The following RBFOX1 variants were observed in gnomAD, a reference collection of about 807,000 sequenced individuals.
RBFOX1 encodes the protein RNA binding protein fox-1 homolog 1.
A neutral mutation model predicts 57.7 loss-of-function variants in RBFOX1; 8 were observed. The observed-to-expected ratio is 0.14, with a 90% CI of 0.08 to 0.25. The LOEUF is 0.25. RBFOX1 is among the 10% of genes least tolerant of loss of function. The probability of loss-of-function intolerance (pLI) is 1.00; values close to 1 mark genes in which losing one functional copy is unlikely to be tolerated. For missense variants in RBFOX1, 611 were observed against 548.5 expected (o/e 1.11, Z -1.14); for synonymous variants, 326 against 222.4 (o/e 1.47, Z -4.15).
chr16:7,262,882 G>C (rs947817733), intron 4 of RBFOX1, among the ~76,000 whole-genome samples: 2 of 152,338 alleles, frequency 1.3e-5, no homozygotes, highest in Non-Finnish European at 2.9e-5. Context: ...GAAAACTTGT[G>C]TTCTTATTTG....
rs1555631894 is a variant in RBFOX1, at chr16:7,254,498, C to CTCT, written c.27+202401_27+202402insCTT. Among the ~76,000 whole-genome samples, 15 of 150,864 alleles carry CTCT rather than the reference C, an allele frequency of 9.9e-5. 1 individual carries two copies. The highest frequency in any genetic ancestry group is 7.3e-4 in the Admixed American group (11 of 15,112). On this transcript the variant is annotated intron_variant, in intron 4 of 15. Coordinates refer to ENST00000550418, the MANE Select transcript of RBFOX1 (RefSeq NM_018723.4). ...GTCATGTTCCTGTCTCTCTCTCTCT[C>CTCT]TTTTTTTTTATCAATATATGCCCAT...
chr16:6,042,441 C>T (rs553056758), intron 1 of RBFOX1, among the ~76,000 whole-genome samples: 7 of 152,108 alleles, frequency 4.6e-5, no homozygotes, highest in Non-Finnish European at 8.8e-5. Flanking sequence ...TATACTGGAC[C>T]TATCCAGATA....
intron 2 of RBFOX1, among the ~76,000 whole-genome samples, chr16:6,642,783 A>C (rs2098502887): frequency 1.3e-5 from 2 of 152,084 alleles, no homozygotes; most frequent in Non-Finnish European, 2.9e-5. Context: ...GAAGATATTT[A>C]CTGTCAGAGA....
chr16:7,556,096 A>G (rs1382317177), intron 5 of RBFOX1, among the ~76,000 whole-genome samples: 4 of 152,242 alleles, frequency 2.6e-5, no homozygotes, highest in African/African-American at 9.6e-5. Flanking sequence ...TTGATAACCA[A>G]GGCATTGTGG....
intron 10 of RBFOX1, among the ~76,000 whole-genome samples, chr16:7,617,777 A>C (rs1360740066): frequency 6.6e-6 from 1 of 152,198 alleles, no homozygotes; most frequent in Non-Finnish European, 1.5e-5. Context: ...GAAGGATGCA[A>C]AACAAACTGT....
intron 3 of RBFOX1, among the ~76,000 whole-genome samples, chr16:6,854,514 G>A (rs1468791669): frequency 6.6e-6 from 1 of 151,048 alleles, no homozygotes; most frequent in Admixed American, 6.6e-5. Context: ...TTTCTCTCAG[G>A]TTACCTGTTT....
intron 3 of RBFOX1, among the ~76,000 whole-genome samples, chr16:6,904,919 C>A (rs1249507463): frequency 1.3e-5 from 2 of 152,164 alleles, no homozygotes; most frequent in African/African-American, 2.4e-5. Flanking sequence ...TTCCCTCAGA[C>A]AACAAAACTA....
chr16:6,075,679 T>C (rs2095888770), intron 1 of RBFOX1, among the ~76,000 whole-genome samples: 1 of 152,148 alleles, frequency 6.6e-6, no homozygotes, highest in South Asian at 2.1e-4. Flanking sequence ...CAATACAGAG[T>C]TGGATAATCT....
chr16:5,452,696 T>G (rs1022868212), intron 1 of RBFOX1, among the ~76,000 whole-genome samples: 1 of 151,478 alleles, frequency 6.6e-6, no homozygotes, highest in African/African-American at 2.4e-5. Flanking sequence ...CAGGCTGGAG[T>G]GCAATGGCGT....
At chr16:6,828,945 C>G (rs187140029) in intron 3 of RBFOX1, among the ~76,000 whole-genome samples, 62 of 152,162 alleles carry the variant, frequency 4.1e-4, no homozygotes, top group Non-Finnish European at 6.9e-4. Flanking sequence ...TCCGCCTACA[C>G]TCCCCCTTTC....
At chr16:6,928,231 A>T (rs1011226129) in intron 3 of RBFOX1, among the ~76,000 whole-genome samples, 1 of 152,246 alleles carries the variant, frequency 6.6e-6, no homozygotes, top group African/African-American at 2.4e-5. Context: ...GAAGATTCTG[A>T]TTTAATTGGT....
intron 5 of RBFOX1, among the ~76,000 whole-genome samples, chr16:7,534,718 G>A (rs922876917): frequency 3.3e-5 from 5 of 152,130 alleles, no homozygotes; most frequent in Non-Finnish European, 5.9e-5. Flanking sequence ...TCACAGTAAG[G>A]GTTCCTAGGA....
intron 4 of RBFOX1, among the ~76,000 whole-genome samples, chr16:5,948,015 G>T (rs1343854409): frequency 3.9e-5 from 6 of 152,148 alleles, no homozygotes; most frequent in Non-Finnish European, 8.8e-5. Context: ...CATTTTCATG[G>T]CAGGAACTCT....
chr16:6,663,625 A>G (rs1366157671), intron 3 of RBFOX1, among the ~76,000 whole-genome samples: 1 of 152,222 alleles, frequency 6.6e-6, no homozygotes, highest in African/African-American at 2.4e-5. Flanking sequence ...GTGAGCGCCC[A>G]TCTGGATGAG....
intron 1 of RBFOX1, among the ~76,000 whole-genome samples, chr16:5,306,028 A>G (rs191286750): frequency 1.3e-5 from 2 of 152,152 alleles, no homozygotes; most frequent in African/African-American, 4.8e-5. Flanking sequence ...TCCCACCTCT[A>G]CAAAATTAGA....
Position 6,139,585 on chromosome 16 carries a change from A to T in RBFOX1, c.-127+119593A>T, listed in dbSNP as rs77357643. On this transcript the variant is annotated intron_variant, in intron 1 of 15. Coordinates refer to ENST00000550418, the MANE Select transcript of RBFOX1 (RefSeq NM_018723.4). The stretch of plus-strand genomic sequence containing the variant: ...GTGTTTGAAACAAAAAAACACAATG[A>T]AGAAATGGAAAAGTTATCCCCCAAA... Among the ~76,000 whole-genome samples, 355 of 152,306 alleles carry T rather than the reference A, an allele frequency of 2.3e-3. 3 individuals carry two copies. The highest frequency in any genetic ancestry group is 7.8e-3 in the African/African-American group (325 of 41,562).
intron 3 of RBFOX1, among the ~76,000 whole-genome samples, chr16:6,741,341 A>G (rs947499550): frequency 1.3e-5 from 2 of 152,170 alleles, no homozygotes; most frequent in Admixed American, 1.3e-4. Context: ...CCAAGGGTCT[A>G]TAAAAGAAAA....
intron 4 of RBFOX1, among the ~76,000 whole-genome samples, chr16:7,344,849 T>C (rs1386075075): frequency 1.3e-5 from 2 of 152,178 alleles, no homozygotes; most frequent in Non-Finnish European, 2.9e-5. Context: ...CCATCCTCCA[T>C]GGGGAAATGG....
chr16:6,251,453 C>G (rs1294060570), intron 1 of RBFOX1, among the ~76,000 whole-genome samples: 5 of 152,076 alleles, frequency 3.3e-5, no homozygotes, highest in Non-Finnish European at 5.9e-5. Flanking sequence ...TCTCCAAAGT[C>G]CCCTTGCTTT....
Sources: gnomAD v4.1 joint callset for allele counts (sites outside exome capture counted in the v4.1 genomes callset) on GRCh38, gnomAD v4.1.1 for gene constraint, MANE v1.5 for transcripts, NCBI Gene and HGNC (gene_info 2026-07-23, HGNC 2026-07-21) for gene names.